The following CDC7 variants were observed in gnomAD, a reference collection of about 807,000 sequenced individuals.
The protein encoded by CDC7 is cell division cycle 7-related protein kinase.
CDC7 carries 34 observed loss-of-function variants against 53.5 expected under a neutral mutation model. That is an observed-to-expected ratio of 0.64 (90% CI 0.48 to 0.85). CDC7 has a LOEUF of 0.85. Among genes scored for constraint, CDC7 ranks in the 40% least tolerant of loss-of-function variants. The pLI is 0.00. For missense variants in CDC7, 594 were observed against 679.7 expected (o/e 0.87, Z 1.40); for synonymous variants, 211 against 222.8 (o/e 0.95, Z 0.47).
intron 2 of CDC7, 123 bp downstream of exon 2, chr1:91,501,954 CAG>C: frequency 2.7e-6 from 2 of 752,502 alleles, no homozygotes; most frequent in Non-Finnish European, 2.2e-6. Flanking sequence ...TTCTATAGGA[CAG>C]TGTTAAAACA....
intron 2 of CDC7, 147 bp downstream of exon 2, chr1:91,501,978 G>A (rs550607642): frequency 3.1e-6 from 2 of 653,316 alleles, no homozygotes; most frequent in Non-Finnish European, 5.2e-6. Context: ...AGCTTCGTAT[G>A]ATCTAAATGT....
intron 1 of CDC7, 57 bp from the exon 2 acceptor site, chr1:91,501,597 T>A (rs536835295): frequency 1.0e-4 from 78 of 763,548 alleles, no homozygotes; most frequent in Non-Finnish European, 1.4e-4. Flanking sequence ...AGTAGCATGT[T>A]TTTAGTGCGT....
At chr1:91,508,039 T>C in intron 3 of CDC7, 102 bp downstream of exon 3, 1 of 1,015,364 alleles carries the variant, frequency 9.8e-7, no homozygotes, top group Non-Finnish European at 1.4e-6. Flanking sequence ...TTGAAAAATA[T>C]ACCACTTTTT....
chr1:91,507,920 A>C lies in CDC7; in HGVS notation c.182A>C (p.Glu61Ala). The C allele has an allele frequency of 6.4e-7, 1 of 1,560,332 alleles. No individual in the cohort carries two copies. Among genetic ancestry groups the C allele is most frequent in the Non-Finnish European group, 8.7e-7 (1 of 1,149,676 alleles). The change falls in exon 3 of 12, where the codon GAG becomes GCG. Residue 61 changes from glutamate (E) to alanine (A), a missense_variant. Coordinates refer to ENST00000234626, the MANE Select transcript of CDC7 (RefSeq NM_003503.4). ...VPQLSNVFKI[E>A]DKIGEGTFSS... is the part of the protein sequence containing the mutation. The stretch of plus-strand genomic sequence containing the variant: ...CAGCTTAGTAATGTGTTTAAGATTG[A>C]GGACAAAATTGGAGAAGGTAATCTG...
chr1:91,524,634 C>G lies in CDC7; in HGVS notation c.*199C>G. 1.9e-6 allele frequency: 1 copy of G among 516,184 alleles called. No individual in the cohort carries two copies. The highest frequency in any genetic ancestry group is 5.0e-4 in the Middle Eastern group (1 of 2,016). The allele number at this position is 516,184 out of a possible 1,614,324, so 32.0% of individuals were successfully genotyped here. A position where few individuals can be genotyped will look rare whatever the true frequency, so the allele number is the denominator to read the frequency against. On this transcript the variant is annotated 3_prime_UTR_variant, in exon 12 of 12. Transcript: ENST00000234626. ...TAGTTCTTGGGACTAACAACATGAT[C>G]TTCTTTGAGTTAAACCTACCTAAGT...
At position 91,515,738 on chromosome 1, in the gene CDC7, T is replaced by C. The variant is rs565251113; in HGVS notation, c.1098-56T>C. ...GAACTAAATTGATGAATGTTATTTTTTAGACTTACATAGTTCAACTTTAAC... is the reference window on the plus strand; with the variant it reads ...GAACTAAATTGATGAATGTTATTTTCTAGACTTACATAGTTCAACTTTAAC... On this transcript the variant is annotated intron_variant, in intron 9 of 11. Transcript: ENST00000234626. The C allele has an allele frequency of 3.1e-6, 5 of 1,596,922 alleles. No homozygotes were observed. In the East Asian group the frequency reaches 1.1e-4, roughly 36 times the overall value.
chr1:91,507,362 A>T (rs1667046306), intron 2 of CDC7, among the ~76,000 whole-genome samples: 1 of 152,250 alleles, frequency 6.6e-6, no homozygotes, highest in African/African-American at 2.4e-5. Flanking sequence ...ACAAATTTTT[A>T]AAAATACTTT....
intron 2 of CDC7, among the ~76,000 whole-genome samples, chr1:91,505,653 G>C (rs1335671660): frequency 6.6e-6 from 1 of 152,136 alleles, no homozygotes; most frequent in South Asian, 2.1e-4. Flanking sequence ...TCATTTGTCT[G>C]TCTTTAGTAC....
chr1:91,518,034 C>T (rs1469600504), intron 10 of CDC7, among the ~76,000 whole-genome samples: 2 of 125,664 alleles, frequency 1.6e-5, no homozygotes, highest in Admixed American at 1.1e-4. Context: ...GCAGAGGTTA[C>T]AGTGAGCCAA....
chr1:91,521,202 A>G (rs1311256522), intron 11 of CDC7, among the ~76,000 whole-genome samples: 1 of 152,222 alleles, frequency 6.6e-6, no homozygotes, highest in Non-Finnish European at 1.5e-5. Flanking sequence ...GAGAATCTTT[A>G]AGAAATACAT....
At chr1:91,506,326 C>T (rs1439972345) in intron 2 of CDC7, among the ~76,000 whole-genome samples, 1 of 152,008 alleles carries the variant, frequency 6.6e-6, no homozygotes, top group Non-Finnish European at 1.5e-5. Context: ...TCTCTCAGCC[C>T]TCCCCCTACC....
At chr1:91,522,463 C>A (rs890173720) in intron 11 of CDC7, among the ~76,000 whole-genome samples, 1 of 152,094 alleles carries the variant, frequency 6.6e-6, no homozygotes, top group Non-Finnish European at 1.5e-5. Context: ...AAGTCTTGAG[C>A]TGAAACAAAT....
At chr1:91,518,093 C>CAAATA (rs1667669585) in intron 10 of CDC7, among the ~76,000 whole-genome samples, 1 of 46,020 alleles carries the variant, frequency 2.2e-5, no homozygotes, top group Non-Finnish European at 3.6e-5. Context: ...GACTCAGTCT[C>CAAATA]AAAAAAAAAA....
At chr1:91,508,940 T>C (rs1455627771) in intron 4 of CDC7, among the ~76,000 whole-genome samples, 3 of 152,110 alleles carry the variant, frequency 2.0e-5, no homozygotes, top group Admixed American at 6.5e-5. Flanking sequence ...ATTCCACACC[T>C]CTCTTTCACT....
At chr1:91,502,349 ATG>A (rs550607879) in intron 2 of CDC7, among the ~76,000 whole-genome samples, 208 of 152,338 alleles carry the variant, frequency 1.4e-3, no homozygotes, top group African/African-American at 4.7e-3. Context: ...GTACACTCGC[ATG>A]TGTACCTTCA....
At chr1:91,522,437 A>C (rs978593389) in intron 11 of CDC7, among the ~76,000 whole-genome samples, 8 of 152,198 alleles carry the variant, frequency 5.3e-5, no homozygotes, top group African/African-American at 7.2e-5. Context: ...AATTGTGTTG[A>C]ATAAATTAAA....
At chr1:91,515,080 T>G in intron 9 of CDC7, 83 bp downstream of exon 9, 1 of 1,199,524 alleles carries the variant, frequency 8.3e-7, no homozygotes, top group East Asian at 2.4e-5. Flanking sequence ...ATTTTGTGAG[T>G]GCAAGGGATC....
At chr1:91,514,789 A>C (rs745554721) in intron 8 of CDC7, 30 bp from the exon 9 acceptor site, 48 of 1,518,604 alleles carry the variant, frequency 3.2e-5, no homozygotes, top group Non-Finnish European at 4.1e-5. Flanking sequence ...AATATCATGA[A>C]AATAGAAAAA....
At chr1:91,502,300 T>G (rs1206552771) in intron 2 of CDC7, among the ~76,000 whole-genome samples, 1 of 152,196 alleles carries the variant, frequency 6.6e-6, no homozygotes, top group Non-Finnish European at 1.5e-5. Context: ...AAACCAGACC[T>G]TAGGGTGAAT....
Sources: gnomAD v4.1 joint callset for allele counts (sites outside exome capture counted in the v4.1 genomes callset) on GRCh38, gnomAD v4.1.1 for gene constraint, MANE v1.5 for transcripts, NCBI Gene and HGNC (gene_info 2026-07-23, HGNC 2026-07-21) for gene names.